LIMK2: variants seen among roughly 807,000 people sequenced by gnomAD.
LIMK2 encodes LIM domain kinase 2.
Under a neutral mutation model 75.7 loss-of-function variants are expected in LIMK2, and 35 were observed. That is an observed-to-expected ratio of 0.46 (90% CI 0.35 to 0.61). The LOEUF (loss-of-function observed/expected upper bound fraction) is 0.61. Ranked by LOEUF, LIMK2 falls within the 20% of genes least tolerant of loss-of-function variation. The pLI is 0.00. For synonymous variants in LIMK2, 301 were observed against 319.2 expected (o/e 0.94, Z 0.61); for missense variants, 623 against 831.0 (o/e 0.75, Z 3.08).
In LIMK2 at chr22:31,272,671, A is replaced by T; in HGVS notation, c.1525A>T (p.Asn509Tyr). The T allele has an allele frequency of 1.2e-6, 2 of 1,612,720 alleles. No homozygotes were observed. The highest frequency in any genetic ancestry group is 1.7e-6 in the Non-Finnish European group (2 of 1,179,450). The change falls in exon 13 of 16, where the codon AAC becomes TAC. Residue 509 changes from asparagine (N) to tyrosine (Y), a missense_variant. Asn to Tyr is a moderately radical substitution (Grantham distance 143, BLOSUM62 -2). This residue lies in a region of LIMK2 where 63 missense variants were observed against 122.8 expected (regional missense o/e 0.51). Coordinates refer to ENST00000331728, the MANE Select transcript of LIMK2 (RefSeq NM_005569.4). ...DRKKRYTVVG[N>Y]PYWMAPEMLN... ...CAAGAAGCGCTACACGGTGGTGGGA[A>T]ACCCCTACTGGATGGCCCCTGAGAT...
At chr22:31,244,515 C>T (rs1216213306) in intron 2 of LIMK2, among the ~76,000 whole-genome samples, 2 of 152,130 alleles carry the variant, frequency 1.3e-5, no homozygotes, top group Admixed American at 1.3e-4. Context: ...CCCACCTCAC[C>T]TCCTCTGTGG....
rs141648666 is a variant in LIMK2, at chr22:31,255,608, A to G, written c.117-2683A>G. Among the ~76,000 whole-genome samples the G allele has an allele frequency of 2.0e-5, 3 of 152,304 alleles. No homozygotes were observed. In the East Asian group the frequency reaches 5.8e-4, roughly 29 times the overall value. ...TCTACCTCCCGCAGTGCTCAGAAGT[A>G]GTAGAACTCACTGTGGCCTCTCACC... On this transcript the variant is annotated intron_variant, in intron 2 of 15. Transcript: ENST00000331728.
intron 5 of LIMK2, among the ~76,000 whole-genome samples, chr22:31,261,501 A>G (rs911467214): frequency 2.0e-4 from 30 of 151,368 alleles, no homozygotes; most frequent in Admixed American, 1.5e-3. Context: ...AGCAGAGATC[A>G]CGCCACTGCA....
chr22:31,232,103 C>T (rs1052601371), intron 2 of LIMK2, among the ~76,000 whole-genome samples: 6 of 152,038 alleles, frequency 3.9e-5, no homozygotes, highest in African/African-American at 1.5e-4. Flanking sequence ...AAGTAAGCCA[C>T]TGTGCCTGGC....
chr22:31,248,836 C>T (rs1444146118), intron 2 of LIMK2: 5 of 1,512,144 alleles, frequency 3.3e-6, no homozygotes, highest in Non-Finnish European at 4.6e-6. Flanking sequence ...AGGGTGGTCT[C>T]CCTAAATCTC....
rs1238700247 is a variant in LIMK2 at position 31,262,672 on chromosome 22, C to T, written c.735C>T (p.Asp245=). 2 of 1,614,094 alleles carry T rather than the reference C, an allele frequency of 1.2e-6. No homozygotes were observed. The highest frequency in any genetic ancestry group is 1.7e-6 in the Non-Finnish European group (2 of 1,180,036). ...ATGACCCCGTCTCCCAACGCCTGGA[C>T]CAGCTGCGGCTGGAGGCCCGGCTCG... ...IEHDPVSQRL[D]QLRLEARLAP... The change falls in exon 7 of 16, where the codon GAC becomes GAT. Residue 245 remains aspartate (D), a synonymous_variant. Transcript: ENST00000331728. The surrounding 1 kb of genome is among the most constrained non-coding windows in gnomAD (Gnocchi z 5.0).
chr22:31,270,700 G>T (rs2048947796), intron 11 of LIMK2, among the ~76,000 whole-genome samples: 1 of 152,240 alleles, frequency 6.6e-6, no homozygotes, highest in South Asian at 2.1e-4. Flanking sequence ...GCTAGCTGGA[G>T]CAAGAAGTCA....
At chr22:31,277,059 C>G (rs756432124) in intron 15 of LIMK2, 4 of 1,613,950 alleles carry the variant, frequency 2.5e-6, no homozygotes, top group Non-Finnish European at 3.4e-6. Flanking sequence ...TTGACTGTTA[C>G]AAACCCACAG....
chr22:31,216,811 C>A (rs2048392624), intron 1 of LIMK2, among the ~76,000 whole-genome samples: 1 of 152,098 alleles, frequency 6.6e-6, no homozygotes, highest in Admixed American at 6.5e-5. Flanking sequence ...GTTAGTGTAA[C>A]CTTGAGCGGG....
chr22:31,260,174 C>G, intron 5 of LIMK2, 97 bp downstream of exon 5: 1 of 1,011,866 alleles, frequency 9.9e-7, no homozygotes, highest in Non-Finnish European at 1.4e-6. Flanking sequence ...GCAGAACTCC[C>G]TTTATTCTCA....
At chr22:31,225,641 T>C in intron 1 of LIMK2, 79 bp from the exon 2 acceptor site, 1 of 1,031,172 alleles carries the variant, frequency 9.7e-7, no homozygotes. Flanking sequence ...GTTAACTCAG[T>C]CTTATTCTAC....
chr22:31,276,570 GCGCCCCCGCCGC>G (rs1555888677), intron 15 of LIMK2, among the ~76,000 whole-genome samples: 2 of 145,628 alleles, frequency 1.4e-5, no homozygotes, highest in East Asian at 2.0e-4. Flanking sequence ...CTGCCCCCGG[GCGCCCCCGCCGC>G]CGCCCTCGCC....
At chr22:31,274,610 A>G (rs575105055) in intron 14 of LIMK2, among the ~76,000 whole-genome samples, 2 of 152,332 alleles carry the variant, frequency 1.3e-5, no homozygotes, top group South Asian at 2.1e-4. Flanking sequence ...CATATTGGCC[A>G]GGCTGGTCTC....
intron 2 of LIMK2, chr22:31,248,317 C>T (rs2048689981): frequency 4.2e-6 from 5 of 1,197,022 alleles, no homozygotes. Flanking sequence ...CCTCTTCCTC[C>T]CTCCCTCCCT....
chr22:31,236,445 C>CA (rs1406285714), intron 2 of LIMK2, among the ~76,000 whole-genome samples: 4 of 149,484 alleles, frequency 2.7e-5, no homozygotes, highest in East Asian at 2.0e-4. Context: ...CTCATCCCCA[C>CA]AAAAAATCAA....
chr22:31,224,404 T>C (rs1158849148), intron 1 of LIMK2, among the ~76,000 whole-genome samples: 2 of 152,180 alleles, frequency 1.3e-5, no homozygotes, highest in African/African-American at 2.4e-5. Context: ...GTTCCCCTCA[T>C]TGGAGTGAAC....
chr22:31,277,391 G>A (rs1445441693), intron 15 of LIMK2: 8 of 1,297,476 alleles, frequency 6.2e-6, no homozygotes, highest in Non-Finnish European at 7.8e-6. Context: ...AATAAAGCGA[G>A]GTAGGGTACG....
At chr22:31,253,028 C>G (rs942539904) in intron 2 of LIMK2, among the ~76,000 whole-genome samples, 12 of 146,786 alleles carry the variant, frequency 8.2e-5, no homozygotes, top group African/African-American at 2.5e-4. Flanking sequence ...AACTGACCAT[C>G]AGGGTTCCAT....
intron 2 of LIMK2, chr22:31,248,585 G>A: frequency 6.2e-7 from 1 of 1,606,902 alleles, no homozygotes; most frequent in South Asian, 1.1e-5. Context: ...AGGGAGAGGT[G>A]AGCTCAGGGC....
Sources: allele counts gnomAD v4.1 joint callset (sites outside exome capture counted in the v4.1 genomes callset), GRCh38; gene constraint gnomAD v4.1.1; regional missense constraint gnomAD v4.1.1; non-coding constraint Gnocchi (gnomAD v3.1); transcripts MANE v1.5; gene names NCBI Gene and HGNC (gene_info 2026-07-23, HGNC 2026-07-21).